The following NCAM2 variants were observed in gnomAD, a reference collection of about 807,000 sequenced individuals.
NCAM2 encodes neural cell adhesion molecule 2.
NCAM2 carries 30 observed loss-of-function variants against 98.1 expected under a neutral mutation model. That is an observed-to-expected ratio of 0.31 (90% CI 0.23 to 0.41). The LOEUF (loss-of-function observed/expected upper bound fraction) is 0.41. Ranked by LOEUF, NCAM2 falls within the 10% of genes least tolerant of loss-of-function variation. The probability of loss-of-function intolerance (pLI) is 1.00; values close to 1 mark genes in which losing one functional copy is unlikely to be tolerated. For missense variants in NCAM2, 867 were observed against 1,005.8 expected (o/e 0.86, Z 1.87); for synonymous variants, 368 against 342.4 (o/e 1.07, Z -0.83).
intron 1 of NCAM2, among the ~76,000 whole-genome samples, chr21:21,067,162 A>C (rs1459882377): frequency 6.6e-6 from 1 of 151,134 alleles, no homozygotes; most frequent in Non-Finnish European, 1.5e-5. Context: ...ATATAGCAAA[A>C]TGTATTACAC....
At chr21:21,359,763 C>T (rs2075596462) in intron 8 of NCAM2, among the ~76,000 whole-genome samples, 1 of 151,808 alleles carries the variant, frequency 6.6e-6, no homozygotes, top group African/African-American at 2.4e-5. Flanking sequence ...AAGTAGTCGA[C>T]TACTACACTT....
intron 12 of NCAM2, among the ~76,000 whole-genome samples, chr21:21,460,862 A>C (rs914796233): frequency 6.6e-6 from 1 of 151,806 alleles, no homozygotes; most frequent in Non-Finnish European, 1.5e-5. Flanking sequence ...TGGAGGTTAG[A>C]GTTTCCGTCA....
chr21:21,001,591 C>T lies in NCAM2; in HGVS notation c.55+2973C>T, dbSNP rs79255760. ...AACTGTTGTATGTATGGATTGCTTT[C>T]GTGAGAGTTTTTACATTTTTGAAAC... On this transcript the variant is annotated intron_variant, in intron 1 of 17. Coordinates refer to ENST00000400546, the MANE Select transcript of NCAM2 (RefSeq NM_004540.5). Among the ~76,000 whole-genome samples the T allele has an allele frequency of 9.9e-3, 1,512 of 152,136 alleles. 23 individuals are homozygous for T. The highest frequency in any genetic ancestry group is 0.034 in the African/African-American group (1,417 of 41,514).
rs1983725444 is a variant in NCAM2, at chr21:21,466,688, C to T, written c.1737C>T (p.Asp579=). Residue 579 remains aspartate (D), a synonymous_variant, in exon 13 of 18, where the codon GAC becomes GAT. Coordinates refer to ENST00000400546, the MANE Select transcript of NCAM2 (RefSeq NM_004540.5). ...CTGTAAATGGAAAGGGACAAGGAGA[C>T]TACAGTAAAATAGAAATCTTCCAAA... is the stretch of plus-strand genomic sequence containing the variant. ...VAAVNGKGQG[D]YSKIEIFQTL... is the part of the protein sequence containing the mutation. 3 of 1,609,274 alleles carry T rather than the reference C, an allele frequency of 1.9e-6. No individual in the cohort carries two copies. The East Asian group carries it at 6.7e-5, about 36-fold the overall frequency.
chr21:21,330,506 T>G (rs543522590), intron 6 of NCAM2, among the ~76,000 whole-genome samples: 1 of 152,162 alleles, frequency 6.6e-6, no homozygotes, highest in African/African-American at 2.4e-5. Context: ...TTTTTAATGG[T>G]TTCAATTTAT....
chr21:21,319,218 A>T (rs961163409), intron 5 of NCAM2, among the ~76,000 whole-genome samples: 5 of 152,234 alleles, frequency 3.3e-5, no homozygotes, highest in African/African-American at 9.6e-5. Context: ...AATATTTTTT[A>T]AAATAGCAAT....
intron 1 of NCAM2, among the ~76,000 whole-genome samples, chr21:21,249,232 T>TA (rs2071393187): frequency 6.6e-6 from 1 of 152,234 alleles, no homozygotes; most frequent in Admixed American, 6.5e-5. Context: ...GAATTAAATT[T>TA]ATGGAAAATG....
chr21:21,052,840 A>T (rs1044713730), intron 1 of NCAM2, among the ~76,000 whole-genome samples: 1 of 152,232 alleles, frequency 6.6e-6, no homozygotes, highest in Non-Finnish European at 1.5e-5. Flanking sequence ...ATAGAAGTAG[A>T]TAATATTCAA....
intron 10 of NCAM2, among the ~76,000 whole-genome samples, chr21:21,415,320 T>G (rs2076967625): frequency 6.7e-6 from 1 of 149,228 alleles, no homozygotes; most frequent in East Asian, 2.0e-4. Flanking sequence ...ATCAATGATC[T>G]TAGCTTGATC....
At chr21:21,265,429 GTATA>G (rs1568857087) in intron 1 of NCAM2, among the ~76,000 whole-genome samples, 7 of 59,500 alleles carry the variant, frequency 1.2e-4, no homozygotes, top group Admixed American at 1.2e-3. Context: ...ATATATGTGT[GTATA>G]TATATTATAT....
intron 1 of NCAM2, among the ~76,000 whole-genome samples, chr21:21,273,523 A>T (rs1378455997): frequency 6.6e-6 from 1 of 152,152 alleles, no homozygotes; most frequent in African/African-American, 2.4e-5. Context: ...GCAGTATCTC[A>T]TTCTTAAGTA....
At chr21:21,109,476 C>A (rs1415604076) in intron 1 of NCAM2, among the ~76,000 whole-genome samples, 2 of 152,104 alleles carry the variant, frequency 1.3e-5, no homozygotes, top group East Asian at 3.9e-4. Context: ...CTTCATGTGG[C>A]AAATTGCAAT....
At chr21:21,084,351 T>C (rs1275566726) in intron 1 of NCAM2, among the ~76,000 whole-genome samples, 1 of 152,208 alleles carries the variant, frequency 6.6e-6, no homozygotes, top group Non-Finnish European at 1.5e-5. Flanking sequence ...ATCATCTGTT[T>C]AGATTCCTGT....
intron 16 of NCAM2, among the ~76,000 whole-genome samples, chr21:21,526,651 A>G (rs1033928409): frequency 1.4e-4 from 22 of 152,136 alleles, no homozygotes; most frequent in African/African-American, 5.1e-4. Flanking sequence ...TAGAGAGGCA[A>G]AAAGACCCAC....
chr21:21,233,300 T>A (rs2070700093), intron 1 of NCAM2, among the ~76,000 whole-genome samples: 1 of 151,814 alleles, frequency 6.6e-6, no homozygotes, highest in Non-Finnish European at 1.5e-5. Context: ...TGTTCAACCA[T>A]TCTTCTGTTT....
Position 21,284,345 on chromosome 21 carries a change from A to G in NCAM2, c.282A>G (p.Gln94=), listed in dbSNP as rs763572816. ...AAGATGCAGGGATATATCGTTGTCA[A>G]GCAACAGATGCCAAAGGACAAACAC... The part of the protein sequence containing the change: ...NIEDAGIYRC[Q]ATDAKGQTQE... Residue 94 remains glutamine (Q), a synonymous_variant, in exon 3 of 18, where the codon CAA becomes CAG. Coordinates refer to ENST00000400546, the MANE Select transcript of NCAM2 (RefSeq NM_004540.5). 1 of 1,612,962 alleles carries G rather than the reference A, an allele frequency of 6.2e-7. No homozygotes were observed. The highest frequency in any genetic ancestry group is 2.2e-5 in the East Asian group (1 of 44,776).
chr21:21,213,087 GA>G (rs1205519886), intron 1 of NCAM2, among the ~76,000 whole-genome samples: 1 of 152,094 alleles, frequency 6.6e-6, no homozygotes, highest in African/African-American at 2.4e-5. Flanking sequence ...TCCCCCAAAT[GA>G]GTCAATGTAT....
At chr21:21,014,285 G>A (rs1256506320) in intron 1 of NCAM2, among the ~76,000 whole-genome samples, 2 of 151,980 alleles carry the variant, frequency 1.3e-5, no homozygotes, top group Admixed American at 1.3e-4. Context: ...TTAGCTGGAC[G>A]TGGTGGTGCA....
At position 21,396,436 on chromosome 21, in the gene NCAM2, A is replaced by T. The variant is rs929454401; in HGVS notation, c.1196-13838A>T. 2.0e-5 allele frequency among the ~76,000 whole-genome samples: 3 copies of T among 152,260 alleles called. No individual in the cohort carries two copies. The East Asian group carries it at 5.8e-4, about 29-fold the overall frequency. On this transcript the variant is annotated intron_variant, in intron 9 of 17. Transcript: ENST00000400546. Reference sequence around the variant, plus strand: ...TGTAGACTAGTAACACTGTCATGGGATCTTTACAGTGTCACTTTGCCAGCC... The same window carrying T: ...TGTAGACTAGTAACACTGTCATGGGTTCTTTACAGTGTCACTTTGCCAGCC...
Sources: gnomAD v4.1 joint callset for allele counts (sites outside exome capture counted in the v4.1 genomes callset) on GRCh38, gnomAD v4.1.1 for gene constraint, MANE v1.5 for transcripts, NCBI Gene and HGNC (gene_info 2026-07-23, HGNC 2026-07-21) for gene names.